The following DYNC2H1 variants were observed in gnomAD, a reference collection of about 807,000 sequenced individuals.
DYNC2H1 encodes the protein dynein cytoplasmic 2 heavy chain 1, also known as cytoplasmic dynein 2 heavy chain 1.
A neutral mutation model predicts 570.0 loss-of-function variants in DYNC2H1; 410 were observed. That is an observed-to-expected ratio of 0.72 (90% CI 0.66 to 0.78). The LOEUF (loss-of-function observed/expected upper bound fraction) is 0.78. DYNC2H1 is among the 30% of genes least tolerant of loss of function. The pLI is 0.00. For missense variants in DYNC2H1, 4,865 were observed against 5,046.4 expected (o/e 0.96, Z 1.09); for synonymous variants, 1,688 against 1,677.6 (o/e 1.01, Z -0.15).
At chr11:103,115,389 T>G (rs1436200074) in intron 4 of DYNC2H1, 94 bp downstream of exon 4, 4 of 730,024 alleles carry the variant, frequency 5.5e-6, no homozygotes, top group African/African-American at 5.4e-5. Flanking sequence ...AAAATGTACT[T>G]GATGATTGTG....
chr11:103,186,137 C>T lies in DYNC2H1; in HGVS notation c.6634-105C>T. The T allele has an allele frequency of 8.8e-7, 1 of 1,137,236 alleles. No homozygotes were observed. Among genetic ancestry groups the T allele is most frequent in the Non-Finnish European group, 1.2e-6 (1 of 827,704 alleles). The allele number at this position is 1,137,236 out of a possible 1,614,324, so 70.4% of individuals were successfully genotyped here. A position where few individuals can be genotyped will look rare whatever the true frequency, so the allele number is the denominator to read the frequency against. ...ATAGGTTTAGTTTATGTAAAGTTTT[C>T]TTGGAACTAAGATGATTTACTTTTG... On this transcript the variant is annotated intron_variant, in intron 41 of 88. Coordinates refer to ENST00000375735, the MANE Select transcript of DYNC2H1 (RefSeq NM_001377.3). The surrounding 1 kb of genome is among the most constrained non-coding windows in gnomAD (Gnocchi z 4.5).
intron 17 of DYNC2H1, among the ~76,000 whole-genome samples, chr11:103,140,634 G>A (rs1565335065): frequency 6.6e-6 from 1 of 151,570 alleles, no homozygotes; most frequent in Non-Finnish European, 1.5e-5. Flanking sequence ...CTCTCTGGCT[G>A]CCCTTTTTTC....
At chr11:103,191,420 A>C in intron 45 of DYNC2H1, 97 bp from the exon 46 acceptor site, 1 of 781,040 alleles carries the variant, frequency 1.3e-6, no homozygotes, top group South Asian at 1.9e-5. Context: ...TACAGGTAGA[A>C]ATTGGTATTC....
intron 82 of DYNC2H1, among the ~76,000 whole-genome samples, chr11:103,356,600 A>C (rs998589223): frequency 1.3e-5 from 2 of 152,222 alleles, no homozygotes; most frequent in African/African-American, 4.8e-5. Flanking sequence ...TCTGACTACC[A>C]ACTAGTTGTG....
intron 82 of DYNC2H1, among the ~76,000 whole-genome samples, chr11:103,344,597 T>C (rs1201444852): frequency 2.0e-5 from 3 of 152,190 alleles, no homozygotes; most frequent in African/African-American, 7.2e-5. Context: ...TTCTGGTCTC[T>C]GAATGTTACC....
At chr11:103,339,594 A>T (rs189104066) in intron 82 of DYNC2H1, among the ~76,000 whole-genome samples, 158 of 151,774 alleles carry the variant, frequency 1.0e-3, no homozygotes, top group African/African-American at 3.4e-3. Context: ...TCTCTTTCCC[A>T]CAAGTGGAAG....
At position 103,334,818 on chromosome 11, in the gene DYNC2H1, T is replaced by A. The variant is rs1591594185; in HGVS notation, c.12039+10828T>A. Among the ~76,000 whole-genome samples the A allele has an allele frequency of 6.6e-6, 1 of 152,080 alleles. No individual in the cohort carries two copies. Among genetic ancestry groups the A allele is most frequent in the East Asian group, 1.9e-4 (1 of 5,196 alleles). Reference sequence around the variant, plus strand: ...ACAGTAGACTACTACAGTATGATAGTTTTGCAGAATACAAAGATTGCTGTG... The same window carrying A: ...ACAGTAGACTACTACAGTATGATAGATTTGCAGAATACAAAGATTGCTGTG... On this transcript the variant is annotated intron_variant, in intron 82 of 88. Coordinates refer to ENST00000375735, the MANE Select transcript of DYNC2H1 (RefSeq NM_001377.3). The surrounding 1 kb of genome is among the most constrained non-coding windows in gnomAD (Gnocchi z 4.3).
In DYNC2H1 at chr11:103,173,351, G is replaced by T. The variant is rs374680425; in HGVS notation, c.5558+46G>T. ...TATTTTTATATTTTACATTTCTAAT[G>T]ATTGATTTTGGTTATTAGTGATCAT... On this transcript the variant is annotated intron_variant, in intron 35 of 88. Transcript: ENST00000375735. The T allele has an allele frequency of 2.3e-5, 31 of 1,331,418 alleles. No individual in the cohort carries two copies. In the East Asian group the frequency reaches 3.8e-4, roughly 16 times the overall value. 82.5% of individuals were successfully genotyped at this position (1,331,418 alleles called of 1,614,324 possible). A position where few individuals can be genotyped will look rare whatever the true frequency, so the allele number is the denominator to read the frequency against.
intron 60 of DYNC2H1, among the ~76,000 whole-genome samples, chr11:103,233,124 C>A (rs1345467912): frequency 3.9e-5 from 6 of 151,950 alleles, no homozygotes; most frequent in Non-Finnish European, 5.9e-5. Flanking sequence ...ATGAAATATA[C>A]TGTAAAGTAC....
intron 73 of DYNC2H1, among the ~76,000 whole-genome samples, chr11:103,285,456 T>C (rs1454788185): frequency 1.4e-5 from 2 of 144,364 alleles, no homozygotes; most frequent in East Asian, 4.1e-4. Flanking sequence ...AGAGTCTCGC[T>C]CTGTTATCCA....
chr11:103,281,493 G>T (rs1030342064), intron 71 of DYNC2H1, among the ~76,000 whole-genome samples: 2 of 151,958 alleles, frequency 1.3e-5, no homozygotes, highest in Admixed American at 1.3e-4. Context: ...ATTGTAATAG[G>T]AAGAGTGTGT....
At chr11:103,149,831 A>G (rs937912698) in intron 20 of DYNC2H1, among the ~76,000 whole-genome samples, 5 of 151,482 alleles carry the variant, frequency 3.3e-5, no homozygotes, top group Non-Finnish European at 2.9e-5. Context: ...GAGAGGGAGG[A>G]GAGAAGTGAG....
chr11:103,454,110 A>C (rs1944706815), intron 85 of DYNC2H1, among the ~76,000 whole-genome samples: 1 of 149,362 alleles, frequency 6.7e-6, no homozygotes, highest in African/African-American at 2.4e-5. Flanking sequence ...TAGAGATTTT[A>C]ATTTCTTCTA....
At chr11:103,356,732 G>C (rs962124375) in intron 82 of DYNC2H1, among the ~76,000 whole-genome samples, 2 of 152,130 alleles carry the variant, frequency 1.3e-5, no homozygotes, top group African/African-American at 4.8e-5. Flanking sequence ...TTTAAGACTA[G>C]AGAATCAGTC....
chr11:103,452,116 A>T (rs925731122), intron 85 of DYNC2H1, among the ~76,000 whole-genome samples: 4 of 152,026 alleles, frequency 2.6e-5, no homozygotes, highest in African/African-American at 7.2e-5. Context: ...TGAACTGAAG[A>T]TTGAATTTTT....
At position 103,157,610 on chromosome 11, in the gene DYNC2H1, A is replaced by T. The variant is rs181792707; in HGVS notation, c.4127+840A>T. ...TATATCTTGAGCCAAATACCTGTAC[A>T]GAAGTATATCTGTACTTCTATTCTA... is the stretch of plus-strand genomic sequence containing the variant. On this transcript the variant is annotated intron_variant, in intron 26 of 88. Coordinates refer to ENST00000375735, the MANE Select transcript of DYNC2H1 (RefSeq NM_001377.3). The surrounding 1 kb of genome is among the most constrained non-coding windows in gnomAD (Gnocchi z 4.2). Among the ~76,000 whole-genome samples, 1 of 152,346 alleles carries T rather than the reference A, an allele frequency of 6.6e-6. No individual in the cohort carries two copies. Among genetic ancestry groups the T allele is most frequent in the Non-Finnish European group, 1.5e-5 (1 of 68,026 alleles).
At chr11:103,382,405 T>G (rs1454226388) in intron 83 of DYNC2H1, among the ~76,000 whole-genome samples, 1 of 152,162 alleles carries the variant, frequency 6.6e-6, no homozygotes, top group Non-Finnish European at 1.5e-5. Context: ...TAGCTTAATT[T>G]CTAAAGAATA....
At chr11:103,386,450 C>CACA (rs1941876104) in intron 83 of DYNC2H1, among the ~76,000 whole-genome samples, 1 of 150,706 alleles carries the variant, frequency 6.6e-6, no homozygotes, top group African/African-American at 2.4e-5. Context: ...TTAAAACACA[C>CACA]CACACACACA....
At chr11:103,454,119 T>C (rs1944707352) in intron 85 of DYNC2H1, among the ~76,000 whole-genome samples, 1 of 143,142 alleles carries the variant, frequency 7.0e-6, no homozygotes, top group South Asian at 2.3e-4. Context: ...TAATTTCTTC[T>C]ATTCTAGACC....
Sources: allele counts gnomAD v4.1 joint callset (sites outside exome capture counted in the v4.1 genomes callset), GRCh38; gene constraint gnomAD v4.1.1; non-coding constraint Gnocchi (gnomAD v3.1); transcripts MANE v1.5; gene names NCBI Gene and HGNC (gene_info 2026-07-23, HGNC 2026-07-21).